The following KDM8 variants were observed in gnomAD, a reference collection of about 807,000 sequenced individuals.
KDM8 encodes lysine demethylase 8.
A neutral mutation model predicts 46.9 loss-of-function variants in KDM8; 35 were observed. The ratio of observed to expected loss-of-function variants is 0.75; its 90% CI spans 0.57 to 0.99. The LOEUF (loss-of-function observed/expected upper bound fraction) is 0.99, where lower values mean the gene tolerates loss of function less well. Among genes scored for constraint, KDM8 ranks in the 50% least tolerant of loss-of-function variants. The probability of loss-of-function intolerance (pLI) is 0.00; values close to 1 mark genes in which losing one functional copy is unlikely to be tolerated. For synonymous variants in KDM8, 232 were observed against 227.7 expected (o/e 1.02, Z -0.17); for missense variants, 475 against 537.0 (o/e 0.88, Z 1.14).
chr16:27,204,004 T>A, intron 1 of KDM8: 1 of 1,110,092 alleles, frequency 9.0e-7, no homozygotes, highest in Non-Finnish European at 1.3e-6. Context: ...TATACTCTGC[T>A]ATATGTGTGT....
At chr16:27,209,932 G>T (rs1263332257) in intron 1 of KDM8, among the ~76,000 whole-genome samples, 161 bp from the exon 2 acceptor site, 1 of 152,222 alleles carries the variant, frequency 6.6e-6, no homozygotes, top group Non-Finnish European at 1.5e-5. Context: ...AGATACAGTG[G>T]TGACCCCAGA....
chr16:27,208,274 A>G (rs113425112), intron 1 of KDM8, among the ~76,000 whole-genome samples: 3 of 148,784 alleles, frequency 2.0e-5, no homozygotes, highest in Non-Finnish European at 4.5e-5. Flanking sequence ...CCAGGTGACA[A>G]AGCAGACACG....
Position 27,209,489 on chromosome 16 carries a change from A to C in KDM8, c.-31-604A>C, listed in dbSNP as rs142160067. On this transcript the variant is annotated intron_variant, in intron 1 of 7. Coordinates refer to ENST00000286096, the MANE Select transcript of KDM8 (RefSeq NM_024773.3). ...TGATCCAATTGCCTCGGCCTCCCAA[A>C]GTGCTGGGATTACAGGCGTGAGCCA... Among the ~76,000 whole-genome samples, 519 of 152,306 alleles carry C rather than the reference A, an allele frequency of 3.4e-3. 4 individuals are homozygous for C. Among genetic ancestry groups the C allele is most frequent in the East Asian group, 0.013 (66 of 5,186 alleles).
At chr16:27,207,723 G>A (rs758549568) in intron 1 of KDM8, among the ~76,000 whole-genome samples, 5 of 152,204 alleles carry the variant, frequency 3.3e-5, no homozygotes, top group Non-Finnish European at 5.9e-5. Context: ...TGGGGCTACA[G>A]GTGTGTGCCA....
At position 27,212,364 on chromosome 16, in the gene KDM8, G is replaced by A. The variant is rs369281038; in HGVS notation, c.499-1221G>A. Among the ~76,000 whole-genome samples, 239 of 152,302 alleles carry A rather than the reference G, an allele frequency of 1.6e-3. 1 individual carries two copies. Among genetic ancestry groups the A allele is most frequent in the African/African-American group, 5.3e-3 (219 of 41,570 alleles). On this transcript the variant is annotated intron_variant, in intron 2 of 7. Transcript: ENST00000286096. ...ATGTGGCCAAGGGCATGGGGTGTGG[G>A]TTGCTCTTTTGTTTCATTTTTTTTA...
In KDM8 at chr16:27,220,435, T is replaced by C. The variant is rs766552080; in HGVS notation, c.1036T>C (p.Ser346Pro). ...KYIRLYSPQE[S>P]GALYPHDTHL... Reference sequence around the variant, plus strand: ...CATCCGGCTGTATTCCCCGCAGGAGTCAGGGGCTCTGTACCCTCATGACAC... The same window carrying C: ...CATCCGGCTGTATTCCCCGCAGGAGCCAGGGGCTCTGTACCCTCATGACAC... The change falls in exon 7 of 8, where the codon TCA becomes CCA. Residue 346 changes from serine to proline, a missense_variant. Physicochemically the swap from Ser to Pro is moderately conservative, Grantham distance 74. Transcript: ENST00000286096. 3.1e-6 allele frequency: 5 copies of C among 1,613,696 alleles called. No homozygotes were observed. Among genetic ancestry groups the C allele is most frequent in the Non-Finnish European group, 4.2e-6 (5 of 1,179,936 alleles).
chr16:27,214,687 GC>G, intron 3 of KDM8, 188 bp from the exon 4 acceptor site: 1 of 623,000 alleles, frequency 1.6e-6, no homozygotes, highest in Admixed American at 2.6e-5. Flanking sequence ...CTGTGTATGA[GC>G]CACACAGCCT....
intron 2 of KDM8, among the ~76,000 whole-genome samples, chr16:27,212,565 A>G (rs1158329077): frequency 1.3e-5 from 2 of 152,086 alleles, no homozygotes; most frequent in African/African-American, 4.8e-5. Flanking sequence ...GAAACCTCAT[A>G]TCTACTAAAA....
Position 27,216,081 on chromosome 16 carries a change from G to A in KDM8, c.843+92G>A, listed in dbSNP as rs2083547902. On this transcript the variant is annotated intron_variant, in intron 5 of 7. Transcript: ENST00000286096. ...TCAGTGCGGCTGGAGCAGTGAGCGTGAGTAGGAGGGAGGCAGCAGGTGAGG... is the reference window on the plus strand; with the variant it reads ...TCAGTGCGGCTGGAGCAGTGAGCGTAAGTAGGAGGGAGGCAGCAGGTGAGG... 30 of 1,335,734 alleles carry A rather than the reference G, an allele frequency of 2.2e-5. No individual in the cohort carries two copies. In the South Asian group the frequency reaches 3.5e-4, roughly 16 times the overall value. 82.7% of individuals were successfully genotyped at this position (1,335,734 alleles called of 1,614,324 possible).
rs760996994 is a variant in KDM8, at chr16:27,218,965, C to G, written c.848C>G (p.Pro283Arg). 2 of 1,613,970 alleles carry G rather than the reference C, an allele frequency of 1.2e-6. No homozygotes were observed. The highest frequency in any genetic ancestry group is 1.7e-5 in the Admixed American group (1 of 59,988). ...TGTCTGCTCTGCCGCCCACAGATCCCGGAGTTGAAGCAGGACATCAGCATC... is the reference window on the plus strand; with the variant it reads ...TGTCTGCTCTGCCGCCCACAGATCCGGGAGTTGAAGCAGGACATCAGCATC... ...LAQHQLFDQI[P>R]ELKQDISIPD... Residue 283 changes from proline to arginine, a missense_variant, in exon 6 of 8, where the codon CCG (proline) becomes CGG (arginine). Transcript: ENST00000286096.
chr16:27,215,557 G>A (rs2083541357), intron 4 of KDM8, among the ~76,000 whole-genome samples: 1 of 152,152 alleles, frequency 6.6e-6, no homozygotes, highest in Non-Finnish European at 1.5e-5. Flanking sequence ...TTCCAGCTTG[G>A]ACAATAGAAC....
At position 27,220,429 on chromosome 16, in the gene KDM8, C is replaced by T; in HGVS notation, c.1030C>T (p.Gln344Ter). 1 of 1,614,086 alleles carries T rather than the reference C, an allele frequency of 6.2e-7. No individual in the cohort carries two copies. Among genetic ancestry groups the T allele is most frequent in the South Asian group, 1.1e-5 (1 of 91,080 alleles). Reference protein sequence around the residue: ...GRKYIRLYSPQESGALYPHDT... With the variant: ...GRKYIRLYSP Reference sequence around the variant, plus strand: ...GAAGTACATCCGGCTGTATTCCCCGCAGGAGTCAGGGGCTCTGTACCCTCA... The same window carrying T: ...GAAGTACATCCGGCTGTATTCCCCGTAGGAGTCAGGGGCTCTGTACCCTCA... Residue 344 changes from glutamine (Q) to a stop codon, truncating the protein, a stop_gained, in exon 7 of 8, where the codon CAG becomes TAG. Transcript: ENST00000286096. LOFTEE classifies it high-confidence loss of function.
chr16:27,210,611 C>G lies in KDM8; in HGVS notation c.488C>G (p.Pro163Arg), dbSNP rs746102857. ...RPARGSLPEQPCTKKARADHG... is the reference protein window; with the variant it reads ...RPARGSLPEQRCTKKARADHG... The stretch of plus-strand genomic sequence containing the variant: ...GCCCGTGGCTCCCTCCCAGAGCAAC[C>G]CTGCACAAAGGTATGTGGGGGAGAT... Residue 163 changes from proline to arginine, a missense_variant, in exon 2 of 8, where the codon CCC (proline) becomes CGC (arginine). Pro to Arg is a moderately radical substitution (Grantham distance 103, BLOSUM62 -2). Coordinates refer to ENST00000286096, the MANE Select transcript of KDM8 (RefSeq NM_024773.3). The G allele has an allele frequency of 5.9e-6, 9 of 1,512,932 alleles. No homozygotes were observed. Among genetic ancestry groups the G allele is most frequent in the African/African-American group, 5.6e-5 (4 of 71,614 alleles). 93.7% of individuals were successfully genotyped at this position (1,512,932 alleles called of 1,614,324 possible).
intron 6 of KDM8, 146 bp downstream of exon 6, chr16:27,219,256 C>T: frequency 2.3e-6 from 2 of 879,746 alleles, no homozygotes; most frequent in Non-Finnish European, 3.4e-6. Context: ...AAAGCAAACC[C>T]ACAAACGGCC....
At position 27,210,211 on chromosome 16, in the gene KDM8, A is replaced by G. The variant is rs924422545; in HGVS notation, c.88A>G (p.Lys30Glu). The change falls in exon 2 of 8, where the codon AAA becomes GAA. Residue 30 changes from lysine (K) to glutamate (E), a missense_variant. Transcript: ENST00000286096. The stretch of plus-strand genomic sequence containing the variant: ...CCTCAGGGCGCTCCTGCCGCACAGT[A>G]AAGAAGACCTGAAGTTGGACCTCGG... ...EALRALLPHSKEDLKLDLGEK... is the reference protein window; with the variant it reads ...EALRALLPHSEEDLKLDLGEK... 8.1e-6 allele frequency: 13 copies of G among 1,613,398 alleles called. No individual in the cohort carries two copies. The highest frequency in any genetic ancestry group is 1.0e-5 in the Non-Finnish European group (12 of 1,180,028).
chr16:27,211,314 C>T, intron 2 of KDM8: 1 of 409,456 alleles, frequency 2.4e-6, no homozygotes, highest in Admixed American at 3.2e-5. Context: ...TCCAGCTGCT[C>T]CTGTCTCTCT....
intron 1 of KDM8, chr16:27,204,079 G>A (rs1299297367): frequency 1.9e-6 from 3 of 1,547,224 alleles, no homozygotes; most frequent in South Asian, 2.4e-5. Context: ...CGATTCCGCC[G>A]TCAGGTCCCA....
chr16:27,210,911 T>C (rs766749073), intron 2 of KDM8, among the ~76,000 whole-genome samples: 3 of 152,160 alleles, frequency 2.0e-5, no homozygotes, highest in Non-Finnish European at 4.4e-5. Flanking sequence ...TATGGGTGCA[T>C]GGCACCACAC....
At chr16:27,216,943 A>C (rs2140973853) in intron 5 of KDM8, among the ~76,000 whole-genome samples, 1 of 152,280 alleles carries the variant, frequency 6.6e-6, no homozygotes, top group East Asian at 1.9e-4. Flanking sequence ...GTCCTGGAGC[A>C]GCTGTTTCAT....
Sources: gnomAD v4.1 joint callset for allele counts (sites outside exome capture counted in the v4.1 genomes callset) on GRCh38, gnomAD v4.1.1 for gene constraint, MANE v1.5 for transcripts, NCBI Gene and HGNC (gene_info 2026-07-23, HGNC 2026-07-21) for gene names.